Variants in TPTE2 observed in about 807,000 individuals in gnomAD.
The protein encoded by TPTE2 is transmembrane phosphoinositide 3-phosphatase and tensin homolog 2, also known as phosphatidylinositol 3,4,5-trisphosphate 3-phosphatase TPTE2.
Under a neutral mutation model 78.6 loss-of-function variants are expected in TPTE2, and 53 were observed. That is an observed-to-expected ratio of 0.67 (90% CI 0.54 to 0.85). The LOEUF (loss-of-function observed/expected upper bound fraction) is 0.85. TPTE2 is among the 40% of genes least tolerant of loss of function. The probability of loss-of-function intolerance (pLI) is 0.00; values close to 1 mark genes in which losing one functional copy is unlikely to be tolerated. For synonymous variants in TPTE2, 175 were observed against 206.2 expected (o/e 0.85, Z 1.30); for missense variants, 461 against 623.0 (o/e 0.74, Z 2.77).
In TPTE2 at chr13:19,485,044, G is replaced by A. The variant is rs1228131765; in HGVS notation, c.120-2497C>T. 2.6e-5 allele frequency among the ~76,000 whole-genome samples: 4 copies of A among 152,166 alleles called. No homozygotes were observed. The East Asian group carries it at 7.7e-4, about 29-fold the overall frequency. ...ATTGTTTTCTGGTTGTTTTGTATAT[G>A]TTTTATTCCTTTCTTCCTGTTTACT... On this transcript the variant is annotated intron_variant, in intron 3 of 19. Transcript: ENST00000400230.
At chr13:19,530,871 T>TAACCACACTTA (rs1437901856) in intron 1 of TPTE2, among the ~76,000 whole-genome samples, 2 of 152,152 alleles carry the variant, frequency 1.3e-5, no homozygotes, top group East Asian at 3.8e-4. Context: ...TGTACCATCT[T>TAACCACACTTA]AACCATGTTT....
At chr13:19,492,137 A>C (rs918376139) in intron 3 of TPTE2, among the ~76,000 whole-genome samples, 1 of 152,124 alleles carries the variant, frequency 6.6e-6, no homozygotes, top group Non-Finnish European at 1.5e-5. Flanking sequence ...TTTCCAGGAG[A>C]GGTTTTCACA....
chr13:19,492,801 C>A, intron 3 of TPTE2, 49 bp downstream of exon 6: 1 of 1,605,872 alleles, frequency 6.2e-7, no homozygotes, highest in Non-Finnish European at 8.5e-7. Context: ...GTGTGTACAG[C>A]TCTATGCACT....
chr13:19,526,100 A>G (rs1330671778), intron 1 of TPTE2, among the ~76,000 whole-genome samples: 1 of 152,208 alleles, frequency 6.6e-6, no homozygotes, highest in Non-Finnish European at 1.5e-5. Context: ...TATGTAAATT[A>G]GTTCAGCCAT....
intron 1 of TPTE2, among the ~76,000 whole-genome samples, chr13:19,496,161 C>T (rs752042829): frequency 4.7e-4 from 72 of 152,286 alleles, no homozygotes; most frequent in African/African-American, 1.3e-3. Flanking sequence ...CCACCGCACC[C>T]GACCTTCCAA....
exon 20 of TPTE2, chr13:19,423,108 A>G: frequency 6.2e-7 from 1 of 1,612,062 alleles, no homozygotes; most frequent in Non-Finnish European, 8.5e-7. Context: ...TGGTGGATAA[A>G]TTTTCCATGC....
chr13:19,532,040 A>C (rs1485074904), intron 1 of TPTE2, among the ~76,000 whole-genome samples: 1 of 152,188 alleles, frequency 6.6e-6, no homozygotes, highest in African/African-American at 2.4e-5. Flanking sequence ...GGAGGCCAAA[A>C]TGCTACTTTT....
chr13:19,476,400 C>A (rs908695543), intron 4 of TPTE2, among the ~76,000 whole-genome samples: 1 of 151,236 alleles, frequency 6.6e-6, no homozygotes, highest in African/African-American at 2.4e-5. Flanking sequence ...GAGAAGTCTT[C>A]AGGAAGTTTC....
chr13:19,517,179 G>C (rs1869848162), intron 1 of TPTE2, among the ~76,000 whole-genome samples: 1 of 152,200 alleles, frequency 6.6e-6, no homozygotes. Context: ...CTGTTCGGCT[G>C]CCAGAATAAC....
chr13:19,482,529 G>C, exon 4 of TPTE2: 1 of 1,610,256 alleles, frequency 6.2e-7, no homozygotes, highest in Admixed American at 1.7e-5. Flanking sequence ...CTTCAAACTT[G>C]GAAAGTCGTT....
chr13:19,554,147 G>A, the TPTE2 span, among the ~76,000 whole-genome samples: 7 of 151,676 alleles, frequency 4.6e-5, no homozygotes, highest in East Asian at 1.9e-4. Flanking sequence ...AGGCTGAGGC[G>A]GGGGGATCAC....
At chr13:19,456,167 G>T (rs1878524974) in intron 10 of TPTE2, among the ~76,000 whole-genome samples, 2 of 152,132 alleles carry the variant, frequency 1.3e-5, no homozygotes, top group South Asian at 4.1e-4. Context: ...ATTTATGAAG[G>T]ATGCTAGATG....
At chr13:19,423,721 C>G (rs1207694489) in intron 19 of TPTE2, among the ~76,000 whole-genome samples, 1 of 151,968 alleles carries the variant, frequency 6.6e-6, no homozygotes, top group Non-Finnish European at 1.5e-5. Flanking sequence ...AACAGCTTTA[C>G]CAAGTAGTAT....
intron 17 of TPTE2, among the ~76,000 whole-genome samples, chr13:19,427,555 G>C (rs935425956): frequency 5.3e-5 from 8 of 152,098 alleles, no homozygotes; most frequent in African/African-American, 1.9e-4. Context: ...CATTCAAAAA[G>C]CAATGCATAA....
At chr13:19,541,348 T>C (rs894929361), upstream of TPTE2, among the ~76,000 whole-genome samples, 2 of 152,210 alleles carry the variant, frequency 1.3e-5, no homozygotes, top group Non-Finnish European at 2.9e-5. Flanking sequence ...CCATATTCTG[T>C]TGTTGTAAGC....
intron 4 of TPTE2, among the ~76,000 whole-genome samples, chr13:19,478,366 T>C (rs1386621811): frequency 9.2e-5 from 14 of 152,276 alleles, no homozygotes; most frequent in Non-Finnish European, 1.9e-4. Context: ...GAACAGACAC[T>C]TCTCAAAAGA....
At chr13:19,442,119 A>C (rs1407546688) in intron 13 of TPTE2, among the ~76,000 whole-genome samples, 1 of 152,158 alleles carries the variant, frequency 6.6e-6, no homozygotes, top group Non-Finnish European at 1.5e-5. Flanking sequence ...ACAATGCATA[A>C]TACATGTTCT....
chr13:19,549,526 G>A, the TPTE2 span, among the ~76,000 whole-genome samples: 2 of 151,856 alleles, frequency 1.3e-5, no homozygotes, highest in Admixed American at 6.6e-5. Flanking sequence ...GGTTGCAGAG[G>A]AATTGGAATG....
At chr13:19,561,042 A>T in the TPTE2 span, 1 of 1,575,458 alleles carries the variant, frequency 6.3e-7, no homozygotes. Flanking sequence ...TTGGACAGGG[A>T]GCTGAGCACC....
Sources: allele counts gnomAD v4.1 joint callset (sites outside exome capture counted in the v4.1 genomes callset), GRCh38; gene constraint gnomAD v4.1.1; transcripts MANE v1.5; gene names NCBI Gene and HGNC (gene_info 2026-07-23, HGNC 2026-07-21).